Variants in TIAM1 observed in about 807,000 individuals in gnomAD.
The protein encoded by TIAM1 is TIAM Rac1 associated GEF 1.
In TIAM1, 65 loss-of-function variants were observed where a neutral mutation model predicts 163.5. The observed-to-expected ratio is 0.40, with a 90% CI of 0.33 to 0.49. The LOEUF is 0.49. Among genes scored for constraint, TIAM1 ranks in the 20% least tolerant of loss-of-function variants. The probability of loss-of-function intolerance (pLI) is 0.77; values close to 1 mark genes in which losing one functional copy is unlikely to be tolerated. For missense variants in TIAM1, 1,789 were observed against 2,044.7 expected (o/e 0.87, Z 2.41); for synonymous variants, 833 against 810.1 (o/e 1.03, Z -0.48).
Position 31,225,945 on chromosome 21 carries a change from A to G in TIAM1, c.1590T>C (p.Thr530=), listed in dbSNP as rs2146635370. The change falls in exon 7 of 28, where the codon ACT becomes ACC. Residue 530 remains threonine (T), a synonymous_variant. Coordinates refer to ENST00000541036, the MANE Select transcript of TIAM1 (RefSeq NM_001353694.2). ...TCCAGTTTTCAAGCTCCGTCTGGCT[A>G]GTGGTCTGTACCAGGAAGAAGGGGC... is the stretch of plus-strand genomic sequence containing the variant. The part of the protein sequence containing the change: ...SLGDAFLFQT[T]SQTELENWIT... 6.2e-7 allele frequency: 1 copy of G among 1,614,048 alleles called. No individual in the cohort carries two copies. The highest frequency in any genetic ancestry group is 1.3e-5 in the African/African-American group (1 of 75,046).
Position 31,500,761 on chromosome 21 carries a change from G to C in TIAM1, c.-421-36726C>G, listed in dbSNP as rs1258084866. On this transcript the variant is annotated intron_variant, in intron 1 of 28. Coordinates refer to the TIAM1 transcript ENST00000286827. ...GAGAAACCACCAGAAACTAGGAAGAGGCATGGAACTGACGGTCCCACGGAG... is the reference window on the plus strand; with the variant it reads ...GAGAAACCACCAGAAACTAGGAAGACGCATGGAACTGACGGTCCCACGGAG... Among the ~76,000 whole-genome samples, 4 of 152,168 alleles carry C rather than the reference G, an allele frequency of 2.6e-5. No homozygotes were observed. The South Asian group carries it at 8.3e-4, about 32-fold the overall frequency.
At chr21:31,270,353 A>G (rs1395604985) in intron 3 of TIAM1, among the ~76,000 whole-genome samples, 1 of 152,218 alleles carries the variant, frequency 6.6e-6, no homozygotes, top group Admixed American at 6.5e-5. Flanking sequence ...GCTGAAATGC[A>G]AAAATTGGGA....
rs36095276 is a variant in TIAM1, at chr21:31,448,609, T to TAAA, written c.-369+15371_-369+15373dup. On this transcript the variant is annotated intron_variant, in intron 2 of 28. Coordinates refer to the TIAM1 transcript ENST00000286827. ...TGACAGAGAGAGACTCCATCTCAAT[T>TAAA]AAAAAAAAAAAAAAAAACAAGAAGT... is the stretch of plus-strand genomic sequence containing the variant. Among the ~76,000 whole-genome samples, 149 of 128,694 alleles carry TAAA rather than the reference T, an allele frequency of 1.2e-3. 2 individuals are homozygous for TAAA. The East Asian group carries it at 0.014, about 12-fold the overall frequency. 84.4% of individuals were successfully genotyped at this position (128,694 alleles called of 152,430 possible). A position where few individuals can be genotyped will look rare whatever the true frequency, so the allele number is the denominator to read the frequency against.
At chr21:31,473,774 A>G (rs1302633134) in intron 1 of TIAM1, among the ~76,000 whole-genome samples, 5 of 152,260 alleles carry the variant, frequency 3.3e-5, no homozygotes, top group African/African-American at 1.2e-4. Flanking sequence ...TGTCCGTAAC[A>G]AAGTCTGAAA....
chr21:31,515,420 C>G (rs746084995), intron 1 of TIAM1, among the ~76,000 whole-genome samples: 1 of 152,170 alleles, frequency 6.6e-6, no homozygotes, highest in Non-Finnish European at 1.5e-5. Context: ...TGTGCTTTCA[C>G]AAGCCCTCCG....
intron 2 of TIAM1, among the ~76,000 whole-genome samples, chr21:31,370,881 A>C (rs1192174104): frequency 6.6e-6 from 1 of 152,196 alleles, no homozygotes; most frequent in African/African-American, 2.4e-5. Context: ...GGCTATAGCA[A>C]CAAGCCCCGG....
chr21:31,298,890 T>A (rs1195310633), intron 2 of TIAM1, among the ~76,000 whole-genome samples: 1 of 151,706 alleles, frequency 6.6e-6, no homozygotes, highest in Middle Eastern at 3.2e-3. Flanking sequence ...CCACCTCAAA[T>A]CCCTTTTCAC....
intron 1 of TIAM1, among the ~76,000 whole-genome samples, chr21:31,530,849 A>G (rs2047946298): frequency 6.6e-6 from 1 of 152,176 alleles, no homozygotes. Flanking sequence ...CCCAGAATAC[A>G]GTAGGATTGG....
chr21:31,542,281 G>A (rs2048344819), intron 1 of TIAM1, among the ~76,000 whole-genome samples: 1 of 151,794 alleles, frequency 6.6e-6, no homozygotes, highest in South Asian at 2.1e-4. Flanking sequence ...AAAAAAATTA[G>A]CCGGGCGTGG....
At chr21:31,319,435 C>T (rs1330211910) in intron 2 of TIAM1, among the ~76,000 whole-genome samples, 1 of 151,992 alleles carries the variant, frequency 6.6e-6, no homozygotes, top group Non-Finnish European at 1.5e-5. Context: ...CACAAGGGTT[C>T]GAATTTCTCC....
intron 2 of TIAM1, among the ~76,000 whole-genome samples, chr21:31,377,183 CTTT>C (rs10585362): frequency 0.3 from 42,036 of 140,418 alleles, 6,173 homozygotes; most frequent in Admixed American, 0.35. Flanking sequence ...CTGGCTGAAA[CTTT>C]TTTTTTTTTT....
At chr21:31,148,083 C>T (rs550913188) in intron 19 of TIAM1, among the ~76,000 whole-genome samples, 34 of 148,584 alleles carry the variant, frequency 2.3e-4, no homozygotes, top group Admixed American at 4.7e-4. Context: ...ACTCTTCTTA[C>T]GTGTTCTCCT....
At chr21:31,412,778 T>C (rs2043243399) in intron 2 of TIAM1, among the ~76,000 whole-genome samples, 1 of 124,462 alleles carries the variant, frequency 8.0e-6, no homozygotes, top group African/African-American at 3.3e-5. Context: ...CAAGACTGTC[T>C]CAGGTTAAAA....
intron 6 of TIAM1, among the ~76,000 whole-genome samples, chr21:31,238,911 A>G (rs1272546919): frequency 6.6e-6 from 1 of 152,212 alleles, no homozygotes; most frequent in Non-Finnish European, 1.5e-5. Context: ...TACAACACAC[A>G]TCAATGGATT....
At chr21:31,374,844 T>A (rs1028704045) in intron 2 of TIAM1, among the ~76,000 whole-genome samples, 1 of 152,234 alleles carries the variant, frequency 6.6e-6, no homozygotes, top group Non-Finnish European at 1.5e-5. Flanking sequence ...CAAATATTCG[T>A]TATTCCTCTG....
chr21:31,408,999 C>A (rs577519711), intron 2 of TIAM1, among the ~76,000 whole-genome samples: 2 of 152,198 alleles, frequency 1.3e-5, no homozygotes, highest in East Asian at 1.9e-4. Context: ...ACATGCCCCC[C>A]CCTCCAGGCT....
At chr21:31,127,027 A>ATG in intron 26 of TIAM1, 38 bp downstream of exon 26, 1 of 1,605,042 alleles carries the variant, frequency 6.2e-7, no homozygotes, top group Non-Finnish European at 8.5e-7. Flanking sequence ...ATCTGCAGAA[A>ATG]TGTCAACACG....
At chr21:31,298,735 G>GGGGTGTGT (rs1555923380) in intron 2 of TIAM1, among the ~76,000 whole-genome samples, 2 of 138,482 alleles carry the variant, frequency 1.4e-5, no homozygotes, top group Non-Finnish European at 1.5e-5. Context: ...TCCAATTGAG[G>GGGGTGTGT]GTGTGTGTGT....
chr21:31,282,453 A>C (rs578104043), intron 2 of TIAM1, among the ~76,000 whole-genome samples: 7 of 152,332 alleles, frequency 4.6e-5, no homozygotes, highest in African/African-American at 1.4e-4. Context: ...CCTGCCCTCC[A>C]CGGAGTGCAG....
Sources: gnomAD v4.1 joint callset for allele counts (sites outside exome capture counted in the v4.1 genomes callset) on GRCh38, gnomAD v4.1.1 for gene constraint, MANE v1.5 for transcripts, NCBI Gene and HGNC (gene_info 2026-07-23, HGNC 2026-07-21) for gene names.